COL7A1: variants seen among roughly 807,000 people sequenced by gnomAD.
The protein encoded by COL7A1 is collagen type VII alpha 1 chain.
Under a neutral mutation model 456.2 loss-of-function variants are expected in COL7A1, and 296 were observed. That is an observed-to-expected ratio of 0.65 (90% confidence interval 0.59 to 0.71). The LOEUF (loss-of-function observed/expected upper bound fraction) is 0.71. COL7A1 is among the 30% of genes least tolerant of loss of function. The probability of loss-of-function intolerance (pLI) is 0.00; values close to 1 mark genes in which losing one functional copy is unlikely to be tolerated. For synonymous variants in COL7A1, 1,464 were observed against 1,525.9 expected, an observed-to-expected ratio of 0.96 and a Z score of 0.95; for missense variants, 3,441 against 4,017.2, an observed-to-expected ratio of 0.86 and a Z score of 3.88.
rs751523859 is a variant in COL7A1 at position 48,590,712 on chromosome 3, G to A, written c.1741C>T (p.Pro581Ser). The change falls in exon 14 of 119, where the codon CCC (proline) becomes TCC (serine). Residue 581 changes from proline to serine, a missense_variant. Pro to Ser is a moderately conservative substitution (Grantham distance 74). Around this residue, in one of 3 missense-constraint regions of COL7A1, gnomAD observed 913 missense variants for 1,088.2 expected, o/e 0.84. Coordinates refer to ENST00000681320, the MANE Select transcript of COL7A1 (RefSeq NM_000094.4). This position sits in a 1 kb window ranked among gnomAD's most constrained non-coding sequence, Gnocchi z 4.6. ...AGGACACTGGCACTGCCCTCACGGG[G>A]ACCCACTCGAGCAGACACCCGCACA... is the stretch of plus-strand genomic sequence containing the variant. ...YTVRVSARVG[P>S]REGSASVLTV... 1.1e-4 allele frequency: 182 copies of A among 1,613,882 alleles called. No homozygotes were observed. Among genetic ancestry groups the A allele is most frequent in the Non-Finnish European group, 1.5e-4 (174 of 1,180,042 alleles).
Position 48,592,714 on chromosome 3 carries a change from A to C in COL7A1, c.847-15T>G. On this transcript the variant is annotated splice_polypyrimidine_tract_variant and intron_variant, in intron 7 of 118. Transcript: ENST00000681320. This position sits in a 1 kb window ranked among gnomAD's most constrained non-coding sequence, Gnocchi z 7.6. ...GGGACGTTCACCTGCCCAGGGCAAG[A>C]GGTCACTTTATCTTGCCCAGCCAAG... is the stretch of plus-strand genomic sequence containing the variant. 6.2e-7 allele frequency: 1 copy of C among 1,613,542 alleles called. No homozygotes were observed. The highest frequency in any genetic ancestry group is 8.5e-7 in the Non-Finnish European group (1 of 1,180,046).
In COL7A1 at chr3:48,572,803, C is replaced by T. The variant is rs2044025280; in HGVS notation, c.6831+59G>A. 1 of 1,613,108 alleles carries T rather than the reference C, an allele frequency of 6.2e-7. No individual in the cohort carries two copies. The highest frequency in any genetic ancestry group is 1.3e-5 in the African/African-American group (1 of 74,842). On this transcript the variant is annotated intron_variant, in intron 87 of 118. Transcript: ENST00000681320. This position sits in a 1 kb window ranked among gnomAD's most constrained non-coding sequence, Gnocchi z 4.6. The stretch of plus-strand genomic sequence containing the variant: ...CCACCACCCCTGCTGCCCCACTCCT[C>T]ATATTTCAGGCCCACAGCTGGGCAC...
chr3:48,569,592 C>T lies in COL7A1; in HGVS notation c.7614G>A (p.Met2538Ile). 1 of 1,613,782 alleles carries T rather than the reference C, an allele frequency of 6.2e-7. No homozygotes were observed. ...PPGPRGAKGDMGERGPRGLDG... is the reference protein window; with the variant it reads ...PPGPRGAKGDIGERGPRGLDG... ...CCAGTCCACACGTGGGCCCACTCAC[C>T]ATGTCCCCCTTGGCACCCCGTGGGC... The change falls in exon 102 of 119, where the codon ATG becomes ATA. Residue 2538 changes from methionine (M) to isoleucine (I), a missense_variant and splice_region_variant. Physicochemically the swap from Met to Ile is conservative, Grantham distance 10. Coordinates refer to ENST00000681320, the MANE Select transcript of COL7A1 (RefSeq NM_000094.4). This position sits in a 1 kb window ranked among gnomAD's most constrained non-coding sequence, Gnocchi z 4.9.
rs1248816639 is a variant in COL7A1 at position 48,589,440 on chromosome 3, T to A, written c.2201A>T (p.Glu734Val). 1 of 1,613,638 alleles carries A rather than the reference T, an allele frequency of 6.2e-7. No individual in the cohort carries two copies. The highest frequency in any genetic ancestry group is 1.1e-5 in the South Asian group (1 of 91,074). ...TCCATCCAGCTCAGCCACCGTGGCC[T>A]CCCCAGAAACCAACTGGGATTTCTC... is the stretch of plus-strand genomic sequence containing the variant. Reference protein sequence around the residue: ...GPEKSQLVSGEATVAELDGLE... With the variant: ...GPEKSQLVSGVATVAELDGLE... Residue 734 changes from glutamate (E) to valine (V), a missense_variant, in exon 18 of 119, where the codon GAG becomes GTG. Coordinates refer to ENST00000681320, the MANE Select transcript of COL7A1 (RefSeq NM_000094.4).
At position 48,574,645 on chromosome 3, in the gene COL7A1, G is replaced by A. The variant is rs1383596260; in HGVS notation, c.6393+32C>T. On this transcript the variant is annotated intron_variant, in intron 78 of 118. Coordinates refer to ENST00000681320, the MANE Select transcript of COL7A1 (RefSeq NM_000094.4). The surrounding 1 kb of genome is among the most constrained non-coding windows in gnomAD (Gnocchi z 5.0). ...TCTAGTGTGCCCCCAGAAAGGAGGG[G>A]GACTCTATGGAAGGGTGGAGAGAGG... 6.2e-7 allele frequency: 1 copy of A among 1,613,906 alleles called. No individual in the cohort carries two copies. The highest frequency in any genetic ancestry group is 1.7e-5 in the Admixed American group (1 of 60,022).
chr3:48,584,391 A>G lies in COL7A1; in HGVS notation c.4120-16T>C, dbSNP rs745840930. Reference sequence around the variant, plus strand: ...CAGGGGGGCCCTGATGGAGGAGACAAAGTATAAGGTGCAACCCCACAGACC... The same window carrying G: ...CAGGGGGGCCCTGATGGAGGAGACAGAGTATAAGGTGCAACCCCACAGACC... On this transcript the variant is annotated splice_polypyrimidine_tract_variant and intron_variant, in intron 36 of 118. Coordinates refer to ENST00000681320, the MANE Select transcript of COL7A1 (RefSeq NM_000094.4). 1 of 1,613,660 alleles carries G rather than the reference A, an allele frequency of 6.2e-7. No individual in the cohort carries two copies. The highest frequency in any genetic ancestry group is 8.5e-7 in the Non-Finnish European group (1 of 1,179,792).
chr3:48,590,259 C>A lies in COL7A1; in HGVS notation c.2004G>T (p.Leu668=). 5 of 1,613,914 alleles carry A rather than the reference C, an allele frequency of 3.1e-6. No homozygotes were observed. Among genetic ancestry groups the A allele is most frequent in the Non-Finnish European group, 4.2e-6 (5 of 1,179,982 alleles). The part of the protein sequence containing the change: ...GTTYQVAVSV[L]RGREEGPAAV... ...CAGCAGGGCCCTCCTCTCTGCCTCG[C>A]AGTACCGACACAGCCACCTGGTAGG... is the stretch of plus-strand genomic sequence containing the variant. The change falls in exon 16 of 119, where the codon CTG becomes CTT. Residue 668 remains leucine, a synonymous_variant. Transcript: ENST00000681320. This position sits in a 1 kb window ranked among gnomAD's most constrained non-coding sequence, Gnocchi z 4.6.
rs1427586513 is a variant in COL7A1, at chr3:48,591,296, C to T, written c.1636+168G>A. On this transcript the variant is annotated intron_variant, in intron 13 of 118. Transcript: ENST00000681320. The surrounding 1 kb of genome is among the most constrained non-coding windows in gnomAD (Gnocchi z 7.0). ...GGGGTAGGGTAGGGGCAGACACACCCTGTTGACAGTTCAGGGCTCAGTGCC... is the reference window on the plus strand; with the variant it reads ...GGGGTAGGGTAGGGGCAGACACACCTTGTTGACAGTTCAGGGCTCAGTGCC... Among the ~76,000 whole-genome samples, 3 of 152,080 alleles carry T rather than the reference C, an allele frequency of 2.0e-5. No homozygotes were observed. The highest frequency in any genetic ancestry group is 7.2e-5 in the African/African-American group (3 of 41,382).
chr3:48,595,244 C>A, intron 1 of COL7A1, 24 bp downstream of exon 1: 1 of 1,166,616 alleles, frequency 8.6e-7, no homozygotes. Context: ...CCCAGCGCCC[C>A]TCCAGCCCGA....
chr3:48,589,499 G>T, intron 17 of COL7A1, 29 bp from the exon 18 acceptor site: 1 of 1,613,148 alleles, frequency 6.2e-7, no homozygotes, highest in Admixed American at 1.7e-5. Flanking sequence ...GCAGCTCCAG[G>T]GCTAGCAAAC....
At chr3:48,577,130 G>T in intron 65 of COL7A1, 103 bp from the exon 66 acceptor site, 1 of 1,471,654 alleles carries the variant, frequency 6.8e-7, no homozygotes, top group Admixed American at 1.7e-5. Context: ...TTCTGTGCCT[G>T]TAGCTCCATG....
In COL7A1 at chr3:48,582,492, G is replaced by A. The variant is rs144557024; in HGVS notation, c.4585C>T (p.Arg1529Cys). 1,149 of 1,614,074 alleles carry A rather than the reference G, an allele frequency of 7.1e-4. 1 individual carries two copies. The highest frequency in any genetic ancestry group is 9.4e-4 in the Non-Finnish European group (1,105 of 1,180,028). ...CGAGGACCCACCTTCTCTCCTTGGC[G>A]GCCAGTGGGTCCTGGTGGCCCCTGA... Reference protein sequence around the residue: ...GPEGPPGPTGRQGEKGEPGRP... With the variant: ...GPEGPPGPTGCQGEKGEPGRP... The change falls in exon 46 of 119, where the codon CGC becomes TGC. Residue 1529 changes from arginine (R) to cysteine (C), a missense_variant. Physicochemically the swap from Arg to Cys is radical, Grantham distance 180. Around this residue, in one of 3 missense-constraint regions of COL7A1, gnomAD observed 2,084 missense variants for 2,501.3 expected, o/e 0.83. Transcript: ENST00000681320.
rs773815805 is a variant in COL7A1, at chr3:48,581,708, G to A, written c.4720C>T (p.Arg1574Trp). ...PRGATGVQGE[R>W]GPPGLVLPGD... ...CCTAAACACTTCGCTTCACTTACCC[G>A]TTCCCCTTGGACTCCGGTAGCTCCT... Residue 1574 changes from arginine to tryptophan, a missense_variant and splice_region_variant, in exon 49 of 119, where the codon CGG becomes TGG. By Grantham distance (101) the Arg-to-Trp change is moderately radical. Transcript: ENST00000681320. The surrounding 1 kb of genome is among the most constrained non-coding windows in gnomAD (Gnocchi z 5.8). The A allele has an allele frequency of 1.7e-5, 27 of 1,614,008 alleles. No individual in the cohort carries two copies. The highest frequency in any genetic ancestry group is 1.3e-4 in the Admixed American group (8 of 60,006).
rs1345831774 is a variant in COL7A1, at chr3:48,589,423, G to A, written c.2218C>T (p.Leu740=). The A allele has an allele frequency of 6.2e-7, 1 of 1,613,724 alleles. No individual in the cohort carries two copies. The change falls in exon 18 of 119, where the codon CTG becomes TTG. Residue 740 remains leucine (L), a synonymous_variant. Transcript: ENST00000681320. ...TCAGTATCTGGCTCCAGTCCATCCA[G>A]CTCAGCCACCGTGGCCTCCCCAGAA... The part of the protein sequence containing the change: ...LVSGEATVAE[L]DGLEPDTEYT...
At position 48,594,528 on chromosome 3, in the gene COL7A1, C is replaced by T. The variant is rs766254851; in HGVS notation, c.106G>A (p.Ala36Thr). The T allele has an allele frequency of 9.3e-6, 15 of 1,605,388 alleles. No homozygotes were observed. The highest frequency in any genetic ancestry group is 3.4e-5 in the Admixed American group (2 of 58,920). The change falls in exon 3 of 119, where the codon GCC becomes ACC. Residue 36 changes from alanine (A) to threonine (T), a missense_variant. Coordinates refer to ENST00000681320, the MANE Select transcript of COL7A1 (RefSeq NM_000094.4). The surrounding 1 kb of genome is among the most constrained non-coding windows in gnomAD (Gnocchi z 5.5). ...TCCAGTAAGAACACAATGTCAGCGG[C>T]GTAAAGGCGCGTGCAGGTCACTGGG... ...RERVTCTRLY[A>T]ADIVFLLDGS... is the part of the protein sequence containing the mutation.
In COL7A1 at chr3:48,568,221, A is replaced by G. The variant is rs2043695931; in HGVS notation, c.7795-51T>C. ...GTCAGAGGAGGTCAGTGAGGGACCAAAGAGAATCGCCCTGGATAGTGGGTA... is the reference window on the plus strand; with the variant it reads ...GTCAGAGGAGGTCAGTGAGGGACCAGAGAGAATCGCCCTGGATAGTGGGTA... On this transcript the variant is annotated intron_variant, in intron 105 of 118. Transcript: ENST00000681320. The surrounding 1 kb of genome is among the most constrained non-coding windows in gnomAD (Gnocchi z 5.2). The G allele has an allele frequency of 6.3e-7, 1 of 1,588,664 alleles. No individual in the cohort carries two copies. Among genetic ancestry groups the G allele is most frequent in the Admixed American group, 1.7e-5 (1 of 59,934 alleles).
In COL7A1 at chr3:48,590,205, G is replaced by A. The variant is rs200654405; in HGVS notation, c.2050+8C>T. The A allele has an allele frequency of 5.0e-6, 8 of 1,612,622 alleles. No homozygotes were observed. In the African/African-American group the frequency reaches 1.1e-4, roughly 22 times the overall value. On this transcript the variant is annotated splice_region_variant and intron_variant, in intron 16 of 118. Coordinates refer to ENST00000681320, the MANE Select transcript of COL7A1 (RefSeq NM_000094.4). The surrounding 1 kb of genome is among the most constrained non-coding windows in gnomAD (Gnocchi z 4.6). ...GCAGAGAGCCAAGGGACGGGGGCAG[G>A]GCCTGACCCGTTCGAGCCACGATGA...
At position 48,570,542 on chromosome 3, in the gene COL7A1, C is replaced by T. The variant is rs369025917; in HGVS notation, c.7345-42G>A. 56 of 1,613,816 alleles carry T rather than the reference C, an allele frequency of 3.5e-5. 1 individual carries two copies. The highest frequency in any genetic ancestry group is 2.1e-4 in the African/African-American group (16 of 74,856). ...GGTGAGGGTCCTGTGGCTCTCAAAG[C>T]GCCTCCCCCAACACCCCACAGTGTG... On this transcript the variant is annotated intron_variant, in intron 96 of 118. Coordinates refer to ENST00000681320, the MANE Select transcript of COL7A1 (RefSeq NM_000094.4). The surrounding 1 kb of genome is among the most constrained non-coding windows in gnomAD (Gnocchi z 5.5).
chr3:48,572,469 AC>A lies in COL7A1; in HGVS notation c.6936+33del, dbSNP rs369517546. On this transcript the variant is annotated intron_variant, in intron 89 of 118. Transcript: ENST00000681320. This position sits in a 1 kb window ranked among gnomAD's most constrained non-coding sequence, Gnocchi z 4.6. Reference sequence around the variant, plus strand: ...GGGATTCCTTGGCCCCCACCAGTTGACCCCCCCTCACTGGCAGCCCCACACA... The same window carrying A: ...GGGATTCCTTGGCCCCCACCAGTTGACCCCCCTCACTGGCAGCCCCACACA... The A allele has an allele frequency of 1.1e-4, 178 of 1,580,592 alleles. No individual in the cohort carries two copies. The African/African-American group carries it at 1.8e-3, about 16-fold the overall frequency.
Sources: gnomAD v4.1 joint callset for allele counts (sites outside exome capture counted in the v4.1 genomes callset) on GRCh38, gnomAD v4.1.1 for gene constraint, gnomAD v4.1.1 regional missense constraint, Gnocchi (gnomAD v3.1) non-coding constraint, MANE v1.5 for transcripts, NCBI Gene and HGNC (gene_info 2026-07-23, HGNC 2026-07-21) for gene names.